The following SSH2 variants were observed in gnomAD, a reference collection of about 807,000 sequenced individuals.
The protein encoded by SSH2 is protein phosphatase Slingshot homolog 2.
A neutral mutation model predicts 135.2 loss-of-function variants in SSH2; 37 were observed. That is an observed-to-expected ratio of 0.27 (90% CI 0.21 to 0.36). The LOEUF (loss-of-function observed/expected upper bound fraction) is 0.36. Ranked by LOEUF, SSH2 falls within the 10% of genes least tolerant of loss-of-function variation. The pLI, the probability that SSH2 is intolerant of heterozygous loss-of-function variation, is 1.00. For missense variants in SSH2, 1,408 were observed against 1,765.3 expected (o/e 0.80, Z 3.63); for synonymous variants, 628 against 646.2 (o/e 0.97, Z 0.43).
intron 1 of SSH2, among the ~76,000 whole-genome samples, chr17:29,904,136 C>T (rs1166370910): frequency 6.6e-6 from 1 of 152,178 alleles, no homozygotes; most frequent in South Asian, 2.1e-4. Context: ...AAAGACTCCT[C>T]CTTAATTCAT....
intron 1 of SSH2, among the ~76,000 whole-genome samples, chr17:29,855,177 G>A (rs1197444478): frequency 6.7e-6 from 1 of 150,372 alleles, no homozygotes; most frequent in Non-Finnish European, 1.5e-5. Flanking sequence ...CATTGCAGGT[G>A]TACTTAAAAA....
chr17:29,830,383 A>G (rs944290144), intron 2 of SSH2, among the ~76,000 whole-genome samples: 1 of 152,090 alleles, frequency 6.6e-6, no homozygotes, highest in Non-Finnish European at 1.5e-5. Context: ...CCATTTCCCC[A>G]AGAAAGCTTT....
chr17:29,749,048 G>A (rs2040847849), intron 3 of SSH2, among the ~76,000 whole-genome samples: 1 of 152,148 alleles, frequency 6.6e-6, no homozygotes, highest in Admixed American at 6.5e-5. Context: ...ATATAAAAAA[G>A]CAGTCAGTAA....
At chr17:29,914,754 A>C (rs2066852578) in intron 1 of SSH2, among the ~76,000 whole-genome samples, 1 of 152,210 alleles carries the variant, frequency 6.6e-6, no homozygotes, top group Admixed American at 6.5e-5. Context: ...TAATAGCTTT[A>C]ATGGTAGCTG....
At chr17:29,904,648 C>G (rs2066620996) in intron 1 of SSH2, among the ~76,000 whole-genome samples, 1 of 151,996 alleles carries the variant, frequency 6.6e-6, no homozygotes, top group African/African-American at 2.4e-5. Flanking sequence ...AAGTTCTGGC[C>G]AAGGCAATCA....
intron 2 of SSH2, among the ~76,000 whole-genome samples, chr17:29,814,276 A>C (rs1396140808): frequency 2.0e-5 from 3 of 146,632 alleles, no homozygotes; most frequent in African/African-American, 5.0e-5. Context: ...TCTACTAAAA[A>C]TACAAAAAAT....
intron 1 of SSH2, among the ~76,000 whole-genome samples, chr17:29,878,733 A>T (rs932136856): frequency 6.6e-6 from 1 of 152,210 alleles, no homozygotes; most frequent in Non-Finnish European, 1.5e-5. Context: ...ACCATAAGGC[A>T]TATGCAAATA....
At chr17:29,712,335 G>C (rs2039464559) in intron 3 of SSH2, among the ~76,000 whole-genome samples, 1 of 152,114 alleles carries the variant, frequency 6.6e-6, no homozygotes, top group African/African-American at 2.4e-5. Context: ...AGAATGGGGG[G>C]CAGTTTTGCC....
intron 1 of SSH2, among the ~76,000 whole-genome samples, chr17:29,885,122 C>T (rs1371879686): frequency 6.6e-6 from 1 of 152,108 alleles, no homozygotes; most frequent in Non-Finnish European, 1.5e-5. Context: ...CTACTTAGTT[C>T]TCTAATCTAG....
chr17:29,640,128 G>C (rs914925406), intron 14 of SSH2, among the ~76,000 whole-genome samples: 1 of 151,668 alleles, frequency 6.6e-6, no homozygotes, highest in African/African-American at 2.4e-5. Context: ...ACCCAGGCTG[G>C]AGTGCAGTGG....
rs766631178 is a variant in SSH2 at position 29,631,447 on chromosome 17, C to CT, written c.3746dup (p.Ser1250GlufsTer14). The CT allele has an allele frequency of 6.2e-7, 1 of 1,614,154 alleles. No individual in the cohort carries two copies. Among genetic ancestry groups the CT allele is most frequent in the Non-Finnish European group, 8.5e-7 (1 of 1,180,014 alleles). On this transcript the variant is annotated frameshift_variant, in exon 16 of 16. Transcript: ENST00000540801. LOFTEE classifies it high-confidence loss of function. Reference sequence around the variant, plus strand: ...CCACACCGGGGCTGTGGCTGAGACTCTTTATGTTTTCACTACTAGAGCTAT... The same window carrying CT: ...CCACACCGGGGCTGTGGCTGAGACTCTTTTATGTTTTCACTACTAGAGCTAT...
intron 1 of SSH2, among the ~76,000 whole-genome samples, chr17:29,901,862 C>T (rs2066562592): frequency 6.6e-6 from 1 of 152,046 alleles, no homozygotes; most frequent in Non-Finnish European, 1.5e-5. Context: ...TACCTCAATG[C>T]AGCTTTGAAC....
intron 1 of SSH2, among the ~76,000 whole-genome samples, chr17:29,878,779 T>C (rs1000870840): frequency 2.1e-4 from 32 of 152,204 alleles, no homozygotes; most frequent in African/African-American, 7.5e-4. Context: ...AAATATACTA[T>C]GTTATGATTG....
At chr17:29,800,893 TCTCA>T (rs947943171) in intron 2 of SSH2, among the ~76,000 whole-genome samples, 2 of 149,968 alleles carry the variant, frequency 1.3e-5, no homozygotes, top group Non-Finnish European at 3.0e-5. Context: ...TGAGACAGAG[TCTCA>T]CTCTGTTACC....
intron 3 of SSH2, among the ~76,000 whole-genome samples, chr17:29,767,363 C>T (rs919139145): frequency 3.9e-5 from 5 of 127,318 alleles, no homozygotes; most frequent in African/African-American, 1.4e-4. Flanking sequence ...TCTCTTTAAA[C>T]GTTTTCTTTT....
intron 1 of SSH2, among the ~76,000 whole-genome samples, chr17:29,908,785 A>AG: frequency 6.7e-6 from 1 of 149,292 alleles, no homozygotes; most frequent in Admixed American, 6.7e-5. Flanking sequence ...AAAAAAAAAA[A>AG]AAAAAAAAAT....
intron 6 of SSH2, 70 bp downstream of exon 6, chr17:29,684,493 A>C: frequency 1.4e-6 from 2 of 1,436,076 alleles, no homozygotes; most frequent in South Asian, 2.6e-5. Context: ...TAAAAAAAAA[A>C]AAAAAAAAAA....
intron 1 of SSH2, among the ~76,000 whole-genome samples, chr17:29,854,532 GT>G (rs1247214933): frequency 6.6e-6 from 1 of 151,802 alleles, no homozygotes. Context: ...GTAATAAAAT[GT>G]TGCAATTTTT....
At chr17:29,906,837 A>G (rs2066661798) in intron 1 of SSH2, among the ~76,000 whole-genome samples, 1 of 152,248 alleles carries the variant, frequency 6.6e-6, no homozygotes, top group African/African-American at 2.4e-5. Flanking sequence ...GCCAGTCAGA[A>G]TAGCTATTGT....
Sources: gnomAD v4.1 joint callset for allele counts (sites outside exome capture counted in the v4.1 genomes callset) on GRCh38, gnomAD v4.1.1 for gene constraint, MANE v1.5 for transcripts, NCBI Gene and HGNC (gene_info 2026-07-23, HGNC 2026-07-21) for gene names.